NEK1: variants seen among roughly 807,000 people sequenced by gnomAD.
The protein encoded by NEK1 is serine/threonine-protein kinase Nek1.
Under a neutral mutation model 182.1 loss-of-function variants are expected in NEK1, and 137 were observed. That is an observed-to-expected ratio of 0.75 (90% CI 0.65 to 0.87). NEK1 has a LOEUF of 0.87. NEK1 is among the 40% of genes least tolerant of loss of function. The pLI is 0.00. For missense variants in NEK1, 1,391 were observed against 1,494.4 expected (o/e 0.93, Z 1.14); for synonymous variants, 513 against 492.2 (o/e 1.04, Z -0.56).
intron 31 of NEK1, among the ~76,000 whole-genome samples, chr4:169,413,415 C>T (rs1187618330): frequency 1.3e-5 from 2 of 152,108 alleles, no homozygotes; most frequent in Non-Finnish European, 2.9e-5. Context: ...TCAAGTGATC[C>T]TCCTGCCTCG....
At chr4:169,518,801 T>C (rs1276670236) in intron 19 of NEK1, among the ~76,000 whole-genome samples, 1 of 88,318 alleles carries the variant, frequency 1.1e-5, no homozygotes, top group African/African-American at 6.1e-5. Flanking sequence ...TCAGTTTCCA[T>C]GTAGTTGAGC....
At chr4:169,560,150 C>A (rs1331813348) in intron 16 of NEK1, among the ~76,000 whole-genome samples, 1 of 152,192 alleles carries the variant, frequency 6.6e-6, no homozygotes, top group Non-Finnish European at 1.5e-5. Context: ...TCCCCTGGCT[C>A]AGGAATCTGG....
intron 19 of NEK1, among the ~76,000 whole-genome samples, chr4:169,511,855 C>T (rs1330553857): frequency 6.6e-6 from 1 of 152,110 alleles, no homozygotes; most frequent in Non-Finnish European, 1.5e-5. Flanking sequence ...TATAGACTCA[C>T]AATATGTGTC....
At chr4:169,460,358 G>A (rs2149493216) in intron 27 of NEK1, among the ~76,000 whole-genome samples, 1 of 151,644 alleles carries the variant, frequency 6.6e-6, no homozygotes, top group South Asian at 2.1e-4. Context: ...AAAAGCTTGT[G>A]CAGAGAAACT....
Position 169,562,190 on chromosome 4 carries a change from G to A in NEK1, c.1027C>T (p.Gln343Ter). 1 of 1,542,816 alleles carries A rather than the reference G, an allele frequency of 6.5e-7. No individual in the cohort carries two copies. The highest frequency in any genetic ancestry group is 8.8e-7 in the Non-Finnish European group (1 of 1,141,534). ...KPLQKHKQAHQTPEKRVNTGE... is the reference protein window; with the variant it reads ...KPLQKHKQAH ...GTATTCACTCTCTTCTCTGGAGTTTGATGGGCCTGGACAAAAAGTAAAACT... is the reference window on the plus strand; with the variant it reads ...GTATTCACTCTCTTCTCTGGAGTTTAATGGGCCTGGACAAAAAGTAAAACT... Residue 343 changes from glutamine (Q) to a stop codon, truncating the protein, a stop_gained, in exon 13 of 36, where the codon CAA becomes TAA. Transcript: ENST00000507142. LOFTEE classifies it high-confidence loss of function.
At chr4:169,396,841 C>A (rs953462075) in intron 35 of NEK1, among the ~76,000 whole-genome samples, 8 of 152,088 alleles carry the variant, frequency 5.3e-5, no homozygotes, top group Non-Finnish European at 1.2e-4. Context: ...TTTTCCCCAA[C>A]ACAGAAAATA....
At chr4:169,596,691 A>C (rs1011147296) in intron 5 of NEK1, among the ~76,000 whole-genome samples, 1 of 152,168 alleles carries the variant, frequency 6.6e-6, no homozygotes, top group East Asian at 1.9e-4. Context: ...CATTCTAGAA[A>C]GGGACAAAAT....
intron 12 of NEK1, among the ~76,000 whole-genome samples, chr4:169,564,460 G>C (rs1763381495): frequency 6.6e-6 from 1 of 151,966 alleles, no homozygotes; most frequent in Admixed American, 6.6e-5. Context: ...ATATTATCCT[G>C]TGCTTCAGTT....
intron 18 of NEK1, among the ~76,000 whole-genome samples, chr4:169,541,040 A>T (rs1759327392): frequency 6.6e-6 from 1 of 152,118 alleles, no homozygotes; most frequent in South Asian, 2.1e-4. Context: ...AAACTTCTCA[A>T]GGATAAAGTT....
chr4:169,507,043 T>C lies in NEK1; in HGVS notation c.2001A>G (p.Glu667=), dbSNP rs779428872. The C allele has an allele frequency of 4.4e-6, 7 of 1,605,982 alleles. No individual in the cohort carries two copies. The highest frequency in any genetic ancestry group is 1.1e-5 in the South Asian group (1 of 89,794). The stretch of plus-strand genomic sequence containing the variant: ...AATATGAGCTAAATCTTACATGCTC[T>C]TCCCACACTTTTTTTTCTCTCTCAT... The part of the protein sequence containing the change: ...EAYEREKKVW[E]EHLVAKGVKS... Residue 667 remains glutamate (E), a synonymous_variant, in exon 23 of 36, where the codon GAA becomes GAG. Coordinates refer to ENST00000507142, the MANE Select transcript of NEK1 (RefSeq NM_001199397.3).
chr4:169,537,904 C>T lies in NEK1; in HGVS notation c.1570G>A (p.Gly524Arg), dbSNP rs1482833308. ...SKQANANRQKGQLAVERAKQV... is the reference protein window; with the variant it reads ...SKQANANRQKRQLAVERAKQV... ...TTAGCTCTTTCTACAGCTAGCTGCCCTTTTTGCCTAATTTGGACAAATCAC... is the reference window on the plus strand; with the variant it reads ...TTAGCTCTTTCTACAGCTAGCTGCCTTTTTTGCCTAATTTGGACAAATCAC... Residue 524 changes from glycine to arginine, a missense_variant, in exon 19 of 36, where the codon GGG becomes AGG. Gly to Arg is a moderately radical substitution (Grantham distance 125, BLOSUM62 -2). Coordinates refer to ENST00000507142, the MANE Select transcript of NEK1 (RefSeq NM_001199397.3). 6.3e-7 allele frequency: 1 copy of T among 1,598,726 alleles called. No homozygotes were observed. The highest frequency in any genetic ancestry group is 2.3e-5 in the East Asian group (1 of 44,360).
chr4:169,607,879 C>G (rs938674014), intron 2 of NEK1, among the ~76,000 whole-genome samples: 1 of 151,770 alleles, frequency 6.6e-6, no homozygotes, highest in Non-Finnish European at 1.5e-5. Flanking sequence ...GGATTACTAG[C>G]CTATAAAATG....
intron 19 of NEK1, among the ~76,000 whole-genome samples, chr4:169,515,280 A>C (rs1272223639): frequency 6.6e-6 from 1 of 152,128 alleles, no homozygotes. Context: ...ATATTCTGTA[A>C]GTGCAAATTA....
chr4:169,400,572 C>G lies in NEK1; in HGVS notation c.3663G>C (p.Leu1221=). The G allele has an allele frequency of 6.2e-7, 1 of 1,609,206 alleles. No individual in the cohort carries two copies. Among genetic ancestry groups the G allele is most frequent in the South Asian group, 1.1e-5 (1 of 89,642 alleles). The change falls in exon 34 of 36, where the codon CTG becomes CTC. Residue 1221 remains leucine (L), a synonymous_variant. Coordinates refer to ENST00000507142, the MANE Select transcript of NEK1 (RefSeq NM_001199397.3). ...FNHLEELRLH[L]EQEMGFEKFF... ...ATTTTTCAAAGCCCATTTCCTGCTC[C>G]AGATGAAGTCTCAGTTCCTCTAAAT...
intron 27 of NEK1, among the ~76,000 whole-genome samples, chr4:169,460,396 G>A (rs562269626): frequency 4.6e-5 from 7 of 151,546 alleles, no homozygotes; most frequent in South Asian, 2.1e-4. Flanking sequence ...ATCAGATCTC[G>A]TGAGATCCAT....
At chr4:169,463,045 G>T (rs918176828) in intron 27 of NEK1, among the ~76,000 whole-genome samples, 198 bp downstream of exon 27, 1 of 151,676 alleles carries the variant, frequency 6.6e-6, no homozygotes, top group South Asian at 2.1e-4. Context: ...TCCCATCCAG[G>T]TCTATCAGGT....
intron 19 of NEK1, among the ~76,000 whole-genome samples, chr4:169,509,440 T>C (rs1753840610): frequency 1.3e-5 from 2 of 152,158 alleles, no homozygotes; most frequent in African/African-American, 4.8e-5. Flanking sequence ...TGCTTCGACT[T>C]ACTCCCTTAA....
At position 169,527,087 on chromosome 4, in the gene NEK1, C is replaced by T. The variant is rs754539768; in HGVS notation, c.1665+10722G>A. Among the ~76,000 whole-genome samples, 3 of 152,196 alleles carry T rather than the reference C, an allele frequency of 2.0e-5. No individual in the cohort carries two copies. In the East Asian group the frequency reaches 5.8e-4, roughly 29 times the overall value. On this transcript the variant is annotated intron_variant, in intron 19 of 35. Transcript: ENST00000507142. ...CGTCCAGAGGAAAACAAAAGATTAA[C>T]TACAAGAGAAAAAGCATTTGAACAT...
intron 31 of NEK1, among the ~76,000 whole-genome samples, chr4:169,424,351 C>T (rs1333943883): frequency 2.0e-5 from 3 of 152,058 alleles, no homozygotes; most frequent in Non-Finnish European, 4.4e-5. Context: ...AAAAAAAATC[C>T]TGAACAGGAA....
Sources: allele counts gnomAD v4.1 joint callset (sites outside exome capture counted in the v4.1 genomes callset), GRCh38; gene constraint gnomAD v4.1.1; transcripts MANE v1.5; gene names NCBI Gene and HGNC (gene_info 2026-07-23, HGNC 2026-07-21).